Variants in KCNA2 observed in about 807,000 individuals in gnomAD.
The protein encoded by KCNA2 is potassium voltage-gated channel subfamily A member 2.
In KCNA2, 11 loss-of-function variants were observed where a neutral mutation model predicts 33.4. The ratio of observed to expected loss-of-function variants is 0.33; its 90% CI spans 0.21 to 0.55. The LOEUF (loss-of-function observed/expected upper bound fraction) is 0.55. Ranked by LOEUF, KCNA2 falls within the 20% of genes least tolerant of loss-of-function variation. The probability of loss-of-function intolerance (pLI) is 0.93; values close to 1 mark genes in which losing one functional copy is unlikely to be tolerated. For synonymous variants in KCNA2, 222 were observed against 231.3 expected (o/e 0.96, Z 0.37); for missense variants, 291 against 621.6 (o/e 0.47, Z 5.66).
At position 110,604,309 on chromosome 1, in the gene KCNA2, G is replaced by A. The variant is rs777338683; in HGVS notation, c.474C>T (p.Ser158=). The A allele has an allele frequency of 1.2e-6, 2 of 1,613,542 alleles. No homozygotes were observed. The highest frequency in any genetic ancestry group is 2.2e-5 in the South Asian group (2 of 91,042). The change falls in exon 3 of 3, where the codon AGC becomes AGT. Residue 158 remains serine (S), a synonymous_variant. Coordinates refer to ENST00000316361, the MANE Select transcript of KCNA2 (RefSeq NM_004974.4). This position sits in a 1 kb window ranked among gnomAD's most constrained non-coding sequence, Gnocchi z 7.6. ...TAGCTATAATCCTGGCAGGCCCTGAGCTCTCTGGGTATTCAAAGAGAAGCC... is the reference window on the plus strand; with the variant it reads ...TAGCTATAATCCTGGCAGGCCCTGAACTCTCTGGGTATTCAAAGAGAAGCC... The part of the protein sequence containing the change: ...QVWLLFEYPE[S]SGPARIIAIV...
At position 110,604,461 on chromosome 1, in the gene KCNA2, T is replaced by C. The variant is rs776120904; in HGVS notation, c.322A>G (p.Ile108Val). The C allele has an allele frequency of 6.2e-7, 1 of 1,614,194 alleles. No homozygotes were observed. Among genetic ancestry groups the C allele is most frequent in the South Asian group, 1.1e-5 (1 of 91,082 alleles). The change falls in exon 3 of 3, where the codon ATA becomes GTA. Residue 108 changes from isoleucine (I) to valine (V), a missense_variant. By Grantham distance (29) the Ile-to-Val change is conservative (BLOSUM62 3). This residue lies in a region of KCNA2 where 163 missense variants were observed against 273.5 expected (regional missense o/e 0.60). Coordinates refer to ENST00000316361, the MANE Select transcript of KCNA2 (RefSeq NM_004974.4). This position sits in a 1 kb window ranked among gnomAD's most constrained non-coding sequence, Gnocchi z 7.6. ...LRRPVNVPLD[I>V]FSEEIRFYEL... ...TAAAACCGAATTTCTTCAGAGAATATATCTAAGGGCACATTCACAGGTCGC... is the reference window on the plus strand; with the variant it reads ...TAAAACCGAATTTCTTCAGAGAATACATCTAAGGGCACATTCACAGGTCGC...
rs1231634741 is a variant in KCNA2 at position 110,595,612 on chromosome 1, C to T, written c.*7671G>A. 1 of 985,306 alleles carries T rather than the reference C, an allele frequency of 1.0e-6. No individual in the cohort carries two copies. The highest frequency in any genetic ancestry group is 1.1e-4 in the East Asian group (1 of 8,828). 61.0% of individuals were successfully genotyped at this position (985,306 alleles called of 1,614,324 possible). A position where few individuals can be genotyped will look rare whatever the true frequency, so the allele number is the denominator to read the frequency against. On this transcript the variant is annotated 3_prime_UTR_variant, in exon 3 of 3. Transcript: ENST00000316361. ...GTCTTCCATGGATCTAACACACTAG[C>T]AGGCAAGAGGGAGAATGAGAGCAGG...
chr1:110,623,206 G>A (rs1028180915), intron 1 of KCNA2, among the ~76,000 whole-genome samples: 1 of 152,190 alleles, frequency 6.6e-6, no homozygotes, highest in African/African-American at 2.4e-5. Context: ...TGCAAAGGTA[G>A]AAAGAAGTCT....
chr1:110,596,407 C>T lies in KCNA2; in HGVS notation c.*6876G>A, dbSNP rs1649102085. 3 of 229,078 alleles carry T rather than the reference C, an allele frequency of 1.3e-5. No homozygotes were observed. The highest frequency in any genetic ancestry group is 3.2e-4 in the South Asian group (2 of 6,336). 14.2% of individuals were successfully genotyped at this position (229,078 alleles called of 1,614,324 possible). On this transcript the variant is annotated 3_prime_UTR_variant, in exon 3 of 3. Transcript: ENST00000316361. ...CTCTAAAAACTCAGGACCAATTAACCAAAACCTCGATTGACAAGAATTATG... is the reference window on the plus strand; with the variant it reads ...CTCTAAAAACTCAGGACCAATTAACTAAAACCTCGATTGACAAGAATTATG...
rs969337379 is a variant in KCNA2, at chr1:110,594,974, C to G, written c.*8309G>C. The G allele has an allele frequency of 1.0e-6, 1 of 985,434 alleles. No homozygotes were observed. The highest frequency in any genetic ancestry group is 1.2e-6 in the Non-Finnish European group (1 of 829,950). The allele number at this position is 985,434 out of a possible 1,614,324, so 61.0% of individuals were successfully genotyped here. ...CTCTTCCTCCCAGCTCCTCCTATTG[C>G]TTTCTCTAGCAGCCCAGAGCATTTA... On this transcript the variant is annotated 3_prime_UTR_variant, in exon 3 of 3. Transcript: ENST00000316361.
chr1:110,603,732 C>T lies in KCNA2; in HGVS notation c.1051G>A (p.Ala351Thr). The T allele has an allele frequency of 6.2e-7, 1 of 1,613,966 alleles. No homozygotes were observed. Among genetic ancestry groups the T allele is most frequent in the Non-Finnish European group, 8.5e-7 (1 of 1,180,032 alleles). Residue 351 changes from alanine to threonine, a missense_variant, in exon 3 of 3, where the codon GCC (alanine) becomes ACC (threonine). Physicochemically the swap from Ala to Thr is moderately conservative, Grantham distance 58 (BLOSUM62 0). This residue lies in a region of KCNA2 where 11 missense variants were observed against 16.2 expected (regional missense o/e 0.68). Transcript: ENST00000316361. The surrounding 1 kb of genome is among the most constrained non-coding windows in gnomAD (Gnocchi z 5.7). ...GGGAACTGGGACTCTCGCTCATCGG[C>T]CTCTGCAAAATACACAGCACTAGAG... ...LFSSAVYFAE[A>T]DERESQFPSI...
chr1:110,604,338 CTT>C lies in KCNA2; in HGVS notation c.443_444del (p.Gln148ArgfsTer6). On this transcript the variant is annotated frameshift_variant, in exon 3 of 3. Coordinates refer to ENST00000316361, the MANE Select transcript of KCNA2 (RefSeq NM_004974.4). LOFTEE classifies it high-confidence loss of function. The surrounding 1 kb of genome is among the most constrained non-coding windows in gnomAD (Gnocchi z 7.6). ...RPLPENEFQR[Q>X]VWLLFEYPES... is the part of the protein sequence containing the mutation. ...TCTGGGTATTCAAAGAGAAGCCACACTTGTCTCTGAAACTCATTTTCAGGCAG... is the reference window on the plus strand; with the variant it reads ...TCTGGGTATTCAAAGAGAAGCCACACGTCTCTGAAACTCATTTTCAGGCAG... 1 of 1,613,750 alleles carries C rather than the reference CTT, an allele frequency of 6.2e-7. No individual in the cohort carries two copies. The highest frequency in any genetic ancestry group is 8.5e-7 in the Non-Finnish European group (1 of 1,179,918).
Position 110,596,001 on chromosome 1 carries a change from C to T in KCNA2, c.*7282G>A, listed in dbSNP as rs984208381. The T allele has an allele frequency of 5.1e-6, 5 of 985,394 alleles. No homozygotes were observed. The highest frequency in any genetic ancestry group is 1.7e-5 in the African/African-American group (1 of 57,334). The allele number at this position is 985,394 out of a possible 1,614,324, so 61.0% of individuals were successfully genotyped here. A position where few individuals can be genotyped will look rare whatever the true frequency, so the allele number is the denominator to read the frequency against. On this transcript the variant is annotated 3_prime_UTR_variant, in exon 3 of 3. Transcript: ENST00000316361. ...CCTCAGTGATGAGGTTATAGCCAAC[C>T]AGGGCAGACAGAAGAAAGGCTAAAG...
intron 1 of KCNA2, among the ~76,000 whole-genome samples, chr1:110,620,686 G>A (rs1315070166): frequency 3.3e-5 from 5 of 152,166 alleles, no homozygotes. Flanking sequence ...AGCATTTGAA[G>A]TGGGTAAAGT....
rs1475606204 is a variant in KCNA2, at chr1:110,599,636, C to G, written c.*3647G>C. On this transcript the variant is annotated 3_prime_UTR_variant, in exon 3 of 3. Coordinates refer to ENST00000316361, the MANE Select transcript of KCNA2 (RefSeq NM_004974.4). Reference sequence around the variant, plus strand: ...CTCAACTTCCTGACCGTGCCCCCAACAAAGCTGCAAAGGATGGAAGGGCAA... The same window carrying G: ...CTCAACTTCCTGACCGTGCCCCCAAGAAAGCTGCAAAGGATGGAAGGGCAA... 1 of 985,314 alleles carries G rather than the reference C, an allele frequency of 1.0e-6. No individual in the cohort carries two copies. Among genetic ancestry groups the G allele is most frequent in the African/African-American group, 1.7e-5 (1 of 57,226 alleles). The allele number at this position is 985,314 out of a possible 1,614,324, so 61.0% of individuals were successfully genotyped here.
chr1:110,625,765 C>T (rs1364166478), intron 1 of KCNA2, among the ~76,000 whole-genome samples: 2 of 152,002 alleles, frequency 1.3e-5, no homozygotes, highest in Non-Finnish European at 2.9e-5. Flanking sequence ...GTAAGCAATA[C>T]AATAAAAGAG....
Position 110,630,747 on chromosome 1 carries a change from T to A in KCNA2, c.-496+648A>T, listed in dbSNP as rs113902448. On this transcript the variant is annotated intron_variant, in intron 1 of 4. Coordinates refer to the KCNA2 transcript ENST00000369770. ...CTAAGTGCTGTGCAAAAAGGGACAATCAAAAGTGCCAAGAAATTGCATCTT... is the reference window on the plus strand; with the variant it reads ...CTAAGTGCTGTGCAAAAAGGGACAAACAAAAGTGCCAAGAAATTGCATCTT... 8.4e-3 allele frequency among the ~76,000 whole-genome samples: 1,281 copies of A among 152,270 alleles called. 8 individuals carry two copies. Among genetic ancestry groups the A allele is most frequent in the Middle Eastern group, 0.027 (8 of 294 alleles).
chr1:110,626,263 C>T lies in KCNA2; in HGVS notation c.-496+5132G>A, dbSNP rs114925035. On this transcript the variant is annotated intron_variant, in intron 1 of 4. Coordinates refer to the KCNA2 transcript ENST00000369770. ...TTATAGCCATACATGGACTACTATG[C>T]TACTATAAAAATGAAGCAGGAGTAT... Among the ~76,000 whole-genome samples the T allele has an allele frequency of 4.1e-3, 627 of 152,160 alleles. 3 individuals are homozygous for T. The highest frequency in any genetic ancestry group is 0.014 in the African/African-American group (583 of 41,494).
chr1:110,624,557 C>T (rs949512005), intron 1 of KCNA2, among the ~76,000 whole-genome samples: 1 of 152,086 alleles, frequency 6.6e-6, no homozygotes, highest in Non-Finnish European at 1.5e-5. Context: ...TATAAATTTA[C>T]CAAAACATTA....
chr1:110,598,062 C>T lies in KCNA2; in HGVS notation c.*5221G>A. On this transcript the variant is annotated 3_prime_UTR_variant, in exon 3 of 3. Transcript: ENST00000316361. ...TACTGAGAGAGCTCCCAGCATCCCCCTCTCTGCGCGTTGGCTCAGGTGACT... is the reference window on the plus strand; with the variant it reads ...TACTGAGAGAGCTCCCAGCATCCCCTTCTCTGCGCGTTGGCTCAGGTGACT... 1.0e-6 allele frequency: 1 copy of T among 985,416 alleles called. No individual in the cohort carries two copies. The highest frequency in any genetic ancestry group is 1.2e-6 in the Non-Finnish European group (1 of 829,962). 61.0% of individuals were successfully genotyped at this position (985,416 alleles called of 1,614,324 possible).
Position 110,600,568 on chromosome 1 carries a change from T to G in KCNA2, c.*2715A>C. The G allele has an allele frequency of 1.0e-6, 1 of 985,420 alleles. No homozygotes were observed. The highest frequency in any genetic ancestry group is 1.2e-6 in the Non-Finnish European group (1 of 829,938). The allele number at this position is 985,420 out of a possible 1,614,324, so 61.0% of individuals were successfully genotyped here. A position where few individuals can be genotyped will look rare whatever the true frequency, so the allele number is the denominator to read the frequency against. On this transcript the variant is annotated 3_prime_UTR_variant, in exon 3 of 3. Coordinates refer to ENST00000316361, the MANE Select transcript of KCNA2 (RefSeq NM_004974.4). ...GCACGTTACATGTTTTATGTTTGTG[T>G]GTGACAACAGTGTACCTATTTTGTG... is the stretch of plus-strand genomic sequence containing the variant.
chr1:110,614,743 C>G (rs1251232124), intron 1 of KCNA2, among the ~76,000 whole-genome samples: 1 of 152,176 alleles, frequency 6.6e-6, no homozygotes, highest in Non-Finnish European at 1.5e-5. Flanking sequence ...CCTCCTTTAT[C>G]TCCACTGGCA....
intron 1 of KCNA2, among the ~76,000 whole-genome samples, chr1:110,624,782 T>A (rs1397578423): frequency 6.6e-6 from 1 of 152,196 alleles, no homozygotes; most frequent in Non-Finnish European, 1.5e-5. Context: ...ACATTTATCA[T>A]GAAAAATATA....
intron 1 of KCNA2, among the ~76,000 whole-genome samples, chr1:110,616,124 C>T (rs1465910184): frequency 6.6e-6 from 1 of 152,222 alleles, no homozygotes; most frequent in Non-Finnish European, 1.5e-5. Context: ...CTGCATGCCT[C>T]AAAGGAATTC....
Sources: allele counts gnomAD v4.1 joint callset (sites outside exome capture counted in the v4.1 genomes callset), GRCh38; gene constraint gnomAD v4.1.1; regional missense constraint gnomAD v4.1.1; non-coding constraint Gnocchi (gnomAD v3.1); transcripts MANE v1.5; gene names NCBI Gene and HGNC (gene_info 2026-07-23, HGNC 2026-07-21).